GLCCI1: variants seen among roughly 807,000 people sequenced by gnomAD.
The protein encoded by GLCCI1 is glucocorticoid induced 1.
Under a neutral mutation model 52.2 loss-of-function variants are expected in GLCCI1, and 24 were observed. The observed-to-expected ratio is 0.46, with a 90% confidence interval of 0.33 to 0.65. GLCCI1 has a LOEUF of 0.65. GLCCI1 is among the 30% of genes least tolerant of loss of function. GLCCI1 has a pLI of 0.02. For synonymous variants in GLCCI1, 310 were observed against 276.5 expected, an observed-to-expected ratio of 1.12 and a Z score of -1.20; for missense variants, 704 against 701.5, an observed-to-expected ratio of 1.00 and a Z score of -0.04.
At chr7:8,023,723 C>T (rs910472154) in intron 3 of GLCCI1, among the ~76,000 whole-genome samples, 8 of 150,670 alleles carry the variant, frequency 5.3e-5, no homozygotes, top group Non-Finnish European at 1.0e-4. Context: ...CTCAGCCACC[C>T]GAGTAGCTGG....
chr7:7,981,162 AT>A, intron 1 of GLCCI1: 1 of 424,986 alleles, frequency 2.4e-6, no homozygotes, highest in Non-Finnish European at 4.5e-6. Flanking sequence ...GGATCTGGAT[AT>A]AATACTCTCT....
chr7:7,977,896 C>T (rs1335890446), intron 1 of GLCCI1, among the ~76,000 whole-genome samples: 1 of 152,144 alleles, frequency 6.6e-6, no homozygotes, highest in Admixed American at 6.5e-5. Flanking sequence ...GCTCTAAGTC[C>T]TGACTTCAAG....
At chr7:8,060,436 G>A (rs1782488580) in intron 5 of GLCCI1, among the ~76,000 whole-genome samples, 188 bp downstream of exon 5, 1 of 152,094 alleles carries the variant, frequency 6.6e-6, no homozygotes, top group Non-Finnish European at 1.5e-5. Context: ...CAATTTTACA[G>A]CATTTTCATC....
intron 1 of GLCCI1, among the ~76,000 whole-genome samples, chr7:7,977,720 G>A (rs570009663): frequency 6.6e-6 from 1 of 152,312 alleles, no homozygotes; most frequent in Non-Finnish European, 1.5e-5. Context: ...TAGACTAGAT[G>A]ATTCTTAAAA....
intron 7 of GLCCI1, among the ~76,000 whole-genome samples, chr7:8,085,577 G>C (rs1396183291): frequency 6.6e-6 from 1 of 152,210 alleles, no homozygotes; most frequent in African/African-American, 2.4e-5. Flanking sequence ...TCATGCCTTT[G>C]TTCCAGTGCA....
chr7:8,023,165 A>G (rs551884102), intron 3 of GLCCI1, among the ~76,000 whole-genome samples: 117 of 151,936 alleles, frequency 7.7e-4, no homozygotes, highest in Non-Finnish European at 1.2e-3. Flanking sequence ...ACAGGCACCC[A>G]CCACCACACC....
chr7:8,064,079 A>G (rs1024883680), intron 5 of GLCCI1, among the ~76,000 whole-genome samples: 2 of 152,052 alleles, frequency 1.3e-5, no homozygotes, highest in Non-Finnish European at 2.9e-5. Flanking sequence ...GTTGAAACCT[A>G]TTGTTGTGCA....
chr7:8,009,409 A>C (rs1293986739), intron 2 of GLCCI1, among the ~76,000 whole-genome samples: 2 of 152,228 alleles, frequency 1.3e-5, no homozygotes, highest in Non-Finnish European at 2.9e-5. Context: ...TCAAGTAATA[A>C]AAATAATATA....
At chr7:8,007,368 C>T (rs939811587) in intron 2 of GLCCI1, among the ~76,000 whole-genome samples, 2 of 152,070 alleles carry the variant, frequency 1.3e-5, no homozygotes, top group South Asian at 2.1e-4. Context: ...GTAATATGTA[C>T]GTAGTACGTA....
intron 1 of GLCCI1, among the ~76,000 whole-genome samples, chr7:7,986,313 C>T (rs1395143420): frequency 6.6e-6 from 1 of 151,910 alleles, no homozygotes; most frequent in Non-Finnish European, 1.5e-5. Context: ...GAGATGAAGA[C>T]TATCCTGGCT....
chr7:8,075,607 G>A (rs1313599304), intron 6 of GLCCI1, among the ~76,000 whole-genome samples: 1 of 152,194 alleles, frequency 6.6e-6, no homozygotes, highest in African/African-American at 2.4e-5. Flanking sequence ...ACTGGTGCTG[G>A]TTAAGCCACA....
intron 1 of GLCCI1, among the ~76,000 whole-genome samples, chr7:7,997,698 C>A (rs1385083135): frequency 6.6e-6 from 1 of 152,060 alleles, no homozygotes; most frequent in Non-Finnish European, 1.5e-5. Context: ...GAGGCCGAGG[C>A]AGGCAGATCA....
At chr7:8,040,083 T>C (rs1781964104) in intron 3 of GLCCI1, among the ~76,000 whole-genome samples, 1 of 151,284 alleles carries the variant, frequency 6.6e-6, no homozygotes, top group Non-Finnish European at 1.5e-5. Context: ...TAAATCTATA[T>C]AAAAATAAAT....
chr7:8,080,785 T>C (rs1011620940), intron 6 of GLCCI1, among the ~76,000 whole-genome samples: 1 of 152,008 alleles, frequency 6.6e-6, no homozygotes, highest in African/African-American at 2.4e-5. Context: ...TATTCAGCGC[T>C]TACTGTGTTT....
At chr7:8,043,929 A>G (rs1212964924) in intron 3 of GLCCI1, among the ~76,000 whole-genome samples, 2 of 145,980 alleles carry the variant, frequency 1.4e-5, no homozygotes, top group Non-Finnish European at 3.0e-5. Context: ...AATCAAAACT[A>G]TTGTTGAAGC....
At chr7:8,019,322 CTAAA>C (rs1214844417) in intron 2 of GLCCI1, among the ~76,000 whole-genome samples, 2 of 152,144 alleles carry the variant, frequency 1.3e-5, no homozygotes, top group African/African-American at 4.8e-5. Flanking sequence ...TAATTTAAAT[CTAAA>C]TAGGCACATG....
chr7:8,046,639 A>G (rs1782135481), intron 3 of GLCCI1, among the ~76,000 whole-genome samples: 1 of 152,192 alleles, frequency 6.6e-6, no homozygotes, highest in Admixed American at 6.5e-5. Flanking sequence ...ATAACCCAGA[A>G]GCCCCTGTCT....
Position 8,070,988 on chromosome 7 carries a change from G to A in GLCCI1, c.1034G>A (p.Ser345Asn). 6.2e-7 allele frequency: 1 copy of A among 1,614,202 alleles called. No individual in the cohort carries two copies. The highest frequency in any genetic ancestry group is 8.5e-7 in the Non-Finnish European group (1 of 1,180,040). Residue 345 changes from serine to asparagine, a missense_variant, in exon 6 of 8, where the codon AGC (serine) becomes AAC (asparagine). Transcript: ENST00000223145. The part of the protein sequence containing the change: ...PAHYRSSSTR[S>N]IDTQTPSVQE... ...CATTACCGGAGCAGTAGTACTCGCA[G>A]CATTGACACTCAGACTCCTTCTGTC... is the stretch of plus-strand genomic sequence containing the variant.
intron 1 of GLCCI1, among the ~76,000 whole-genome samples, chr7:7,987,376 A>G (rs565516394): frequency 7.9e-5 from 12 of 152,324 alleles, no homozygotes; most frequent in African/African-American, 2.9e-4. Context: ...TTCTTTGAAT[A>G]TTCAAAGCAC....
Sources: gnomAD v4.1 joint callset for allele counts (sites outside exome capture counted in the v4.1 genomes callset) on GRCh38, gnomAD v4.1.1 for gene constraint, MANE v1.5 for transcripts, NCBI Gene and HGNC (gene_info 2026-07-23, HGNC 2026-07-21) for gene names.